The following ATXN7 variants were observed in gnomAD, a reference collection of about 807,000 sequenced individuals.
ATXN7 encodes ataxin-7.
A neutral mutation model predicts 70.5 loss-of-function variants in ATXN7; 12 were observed. The observed-to-expected ratio is 0.17, with a 90% confidence interval of 0.11 to 0.28. ATXN7 has a LOEUF of 0.28. Among genes scored for constraint, ATXN7 ranks in the 10% least tolerant of loss-of-function variants. ATXN7 has a pLI of 1.00. For synonymous variants in ATXN7, 498 were observed against 448.7 expected (o/e 1.11, Z -1.39); for missense variants, 1,256 against 1,131.7 (o/e 1.11, Z -1.58).
At chr3:63,966,839 T>C (rs1037606716) in intron 5 of ATXN7, among the ~76,000 whole-genome samples, 3 of 152,244 alleles carry the variant, frequency 2.0e-5, no homozygotes, top group Non-Finnish European at 2.9e-5. Flanking sequence ...GAAGAATCTT[T>C]TGCTGCTTCT....
At chr3:63,919,744 T>TC (rs1704432659) in intron 4 of ATXN7, among the ~76,000 whole-genome samples, 1 of 100,404 alleles carries the variant, frequency 1.0e-5, no homozygotes, top group Admixed American at 1.2e-4. Flanking sequence ...ATGCTATCCC[T>TC]CCCCCCTCCC....
chr3:63,923,126 C>T (rs1055579245), intron 4 of ATXN7, among the ~76,000 whole-genome samples: 1 of 152,174 alleles, frequency 6.6e-6, no homozygotes, highest in Non-Finnish European at 1.5e-5. Context: ...CTTGAGAATC[C>T]TCTGACTGTT....
chr3:63,879,310 G>A (rs953786169), intron 1 of ATXN7, among the ~76,000 whole-genome samples: 3 of 152,078 alleles, frequency 2.0e-5, no homozygotes, highest in South Asian at 2.1e-4. Flanking sequence ...GGGGCATTTT[G>A]TTCTTGGTTA....
At chr3:63,894,716 G>A (rs902373267) in intron 1 of ATXN7, among the ~76,000 whole-genome samples, 5 of 151,990 alleles carry the variant, frequency 3.3e-5, no homozygotes, top group East Asian at 1.9e-4. Flanking sequence ...CTGTAGAGAC[G>A]GCGTCTCACC....
At chr3:63,918,338 T>C (rs1238043376) in intron 4 of ATXN7, among the ~76,000 whole-genome samples, 2 of 152,232 alleles carry the variant, frequency 1.3e-5, no homozygotes, top group Admixed American at 6.5e-5. Flanking sequence ...AGTATTTTAC[T>C]GTTAAAGGTA....
chr3:63,953,110 G>A (rs989480787), intron 5 of ATXN7, among the ~76,000 whole-genome samples: 2 of 151,992 alleles, frequency 1.3e-5, no homozygotes, highest in Admixed American at 1.3e-4. Context: ...GTTTACAGTC[G>A]AATTGGAGAG....
At position 63,892,475 on chromosome 3, in the gene ATXN7, ACACACACACACACACACACC is replaced by A. The variant is rs772107886; in HGVS notation, c.-110-5902_-110-5883del. Among the ~76,000 whole-genome samples, 41 of 143,698 alleles carry A rather than the reference ACACACACACACACACACACC, an allele frequency of 2.9e-4. 1 individual carries two copies. The highest frequency in any genetic ancestry group is 1.0e-3 in the African/African-American group (37 of 37,184). 94.3% of individuals were successfully genotyped at this position (143,698 alleles called of 152,430 possible). On this transcript the variant is annotated intron_variant, in intron 1 of 12. Coordinates refer to ENST00000674280, the MANE Select transcript of ATXN7 (RefSeq NM_001377405.1). ...TGCCTCTTATCGCTCCTTCACACACACACACACACACACACACACCCACACACACACACACACACCCCAAC... is the reference window on the plus strand; with the variant it reads ...TGCCTCTTATCGCTCCTTCACACACACACACACACACACACACACCCCAAC...
Position 63,995,932 on chromosome 3 carries a change from G to A in ATXN7, c.2110G>A (p.Gly704Arg). The change falls in exon 12 of 13, where the codon GGA becomes AGA. Residue 704 changes from glycine to arginine, a missense_variant. By Grantham distance (125) the Gly-to-Arg change is moderately radical. Coordinates refer to ENST00000674280, the MANE Select transcript of ATXN7 (RefSeq NM_001377405.1). Reference protein sequence around the residue: ...NASSSTSGGSGKKRKNSSPLL... With the variant: ...NASSSTSGGSRKKRKNSSPLL... Reference sequence around the variant, plus strand: ...CAGTAGCAGTACCAGTGGCGGCTCAGGAAAGAAACGCAAAAACAGTTCCCC... The same window carrying A: ...CAGTAGCAGTACCAGTGGCGGCTCAAGAAAGAAACGCAAAAACAGTTCCCC... 1 of 1,614,158 alleles carries A rather than the reference G, an allele frequency of 6.2e-7. No homozygotes were observed. The highest frequency in any genetic ancestry group is 1.1e-5 in the South Asian group (1 of 91,084).
chr3:63,988,447 T>C, intron 9 of ATXN7, 123 bp downstream of exon 9: 1 of 1,330,166 alleles, frequency 7.5e-7, no homozygotes, highest in East Asian at 2.4e-5. Context: ...GATAGTTTTT[T>C]AAGGAGTTTT....
chr3:63,883,263 A>C (rs1702971988), intron 1 of ATXN7, among the ~76,000 whole-genome samples: 1 of 152,200 alleles, frequency 6.6e-6, no homozygotes, highest in African/African-American at 2.4e-5. Flanking sequence ...AAGTGAAAAA[A>C]AGATAGAGAA....
rs563350831 is a variant in ATXN7 at position 63,998,306 on chromosome 3, G to A, written c.2662-1144G>A. 5 of 985,274 alleles carry A rather than the reference G, an allele frequency of 5.1e-6. No individual in the cohort carries two copies. In the African/African-American group the frequency reaches 8.7e-5, roughly 17 times the overall value. 61.0% of individuals were successfully genotyped at this position (985,274 alleles called of 1,614,324 possible). On this transcript the variant is annotated intron_variant, in intron 12 of 12. Transcript: ENST00000674280. ...ACATTTGTTACCAGTTTTAAAGAGA[G>A]GCTGCAGATCTGGACTTGCATGTGA...
At position 63,959,549 on chromosome 3, in the gene ATXN7, G is replaced by C. The variant is rs191693121; in HGVS notation, c.499+7066G>C. On this transcript the variant is annotated intron_variant, in intron 5 of 12. Coordinates refer to ENST00000674280, the MANE Select transcript of ATXN7 (RefSeq NM_001377405.1). The stretch of plus-strand genomic sequence containing the variant: ...CATTTATTGTTATTAATATTAGAGA[G>C]TGATAGCGTGACATACAGTGTATTC... Among the ~76,000 whole-genome samples, 227 of 152,274 alleles carry C rather than the reference G, an allele frequency of 1.5e-3. 2 individuals are homozygous for C. The highest frequency in any genetic ancestry group is 2.5e-3 in the Non-Finnish European group (172 of 68,020).
chr3:63,950,744 A>C (rs2074939857), intron 4 of ATXN7, among the ~76,000 whole-genome samples: 1 of 152,192 alleles, frequency 6.6e-6, no homozygotes, highest in South Asian at 2.1e-4. Flanking sequence ...TATTTAACTC[A>C]ATGTGGGCAG....
intron 4 of ATXN7, among the ~76,000 whole-genome samples, chr3:63,946,670 G>C (rs2074870064): frequency 6.6e-6 from 1 of 151,804 alleles, no homozygotes; most frequent in Non-Finnish European, 1.5e-5. Context: ...GGAATTTTAG[G>C]AGAACAAGAC....
intron 3 of ATXN7, 72 bp downstream of exon 3, chr3:63,912,995 C>G: frequency 7.3e-7 from 1 of 1,360,738 alleles, no homozygotes; most frequent in Non-Finnish European, 1.0e-6. Flanking sequence ...TCCCCCCTGC[C>G]CCCCTCCTGT....
At chr3:63,994,980 C>T (rs775241061) in intron 11 of ATXN7, among the ~76,000 whole-genome samples, 1 of 152,188 alleles carries the variant, frequency 6.6e-6, no homozygotes, top group South Asian at 2.1e-4. Context: ...ATAGTTATGA[C>T]CTAGCAGTTG....
At chr3:63,868,783 A>G (rs1702509974) in intron 1 of ATXN7, among the ~76,000 whole-genome samples, 1 of 152,066 alleles carries the variant, frequency 6.6e-6, no homozygotes, top group Non-Finnish European at 1.5e-5. Context: ...AATACTGCAC[A>G]TGTACTTTAT....
chr3:63,883,298 G>C (rs1702973466), intron 1 of ATXN7, among the ~76,000 whole-genome samples: 1 of 152,142 alleles, frequency 6.6e-6, no homozygotes, highest in African/African-American at 2.4e-5. Flanking sequence ...CCTGGCCCCA[G>C]ACTTTAAAAA....
chr3:63,918,319 T>C (rs1323619682), intron 4 of ATXN7, among the ~76,000 whole-genome samples: 2 of 152,126 alleles, frequency 1.3e-5, no homozygotes, highest in African/African-American at 2.4e-5. Flanking sequence ...GGAAAACAGG[T>C]GTTTGTGAAG....
Sources: allele counts gnomAD v4.1 joint callset (sites outside exome capture counted in the v4.1 genomes callset), GRCh38; gene constraint gnomAD v4.1.1; transcripts MANE v1.5; gene names NCBI Gene and HGNC (gene_info 2026-07-23, HGNC 2026-07-21).